Variants in QTGAL observed in about 807,000 individuals in gnomAD.
QTGAL encodes queuosine-tRNA galactosyltransferase.
chr17:83,015,486 C>T, the QTGAL span, among the ~76,000 whole-genome samples: 1 of 152,262 alleles, frequency 6.6e-6, no homozygotes, highest in Admixed American at 6.5e-5. This position sits in a 1 kb window ranked among gnomAD's most constrained non-coding sequence, Gnocchi z 4.4. Flanking sequence ...ACAGAAATTT[C>T]ACAAGCCTAA....
chr17:82,957,063 C>T, the QTGAL span: 1 of 1,395,992 alleles, frequency 7.2e-7, no homozygotes, highest in Non-Finnish European at 1.0e-6. Flanking sequence ...CCCTGGAGGC[C>T]CCGAGGAGCC....
chr17:83,007,627 G>A, the QTGAL span, among the ~76,000 whole-genome samples: 1 of 152,224 alleles, frequency 6.6e-6, no homozygotes, highest in African/African-American at 2.4e-5. Flanking sequence ...GATCCCGCTG[G>A]GGCATGAGAG....
the QTGAL span, chr17:82,943,608 G>C: frequency 6.6e-6 from 1 of 152,284 alleles, no homozygotes; most frequent in African/African-American, 2.4e-5. Context: ...TGTGAGGCTT[G>C]TGAGGTCACC....
the QTGAL span, chr17:82,961,381 C>A: frequency 9.8e-5 from 17 of 172,596 alleles, no homozygotes; most frequent in Admixed American, 1.2e-3. Context: ...TCTCCACAGG[C>A]GGGAAAGAGG....
chr17:83,045,851 T>G, the QTGAL span, among the ~76,000 whole-genome samples: 1 of 151,880 alleles, frequency 6.6e-6, no homozygotes, highest in African/African-American at 2.4e-5. Context: ...GTTTTGCTCT[T>G]GTTGCCAGGC....
the QTGAL span, among the ~76,000 whole-genome samples, chr17:82,972,274 C>CT: frequency 1.5e-5 from 2 of 132,654 alleles, no homozygotes; most frequent in Admixed American, 7.6e-5. Flanking sequence ...CCACACCACA[C>CT]CACAGGGGCC....
At chr17:83,010,669 G>A in the QTGAL span, among the ~76,000 whole-genome samples, 3 of 152,252 alleles carry the variant, frequency 2.0e-5, no homozygotes, top group Non-Finnish European at 4.4e-5. Flanking sequence ...AGAACACCTG[G>A]AAGTCCTGTT....
At chr17:83,033,349 C>T in the QTGAL span, among the ~76,000 whole-genome samples, 1 of 152,060 alleles carries the variant, frequency 6.6e-6, no homozygotes, top group African/African-American at 2.4e-5. Flanking sequence ...GTATCCAAAT[C>T]GTTCTCAGAG....
chr17:83,018,302 G>A, the QTGAL span, among the ~76,000 whole-genome samples: 1 of 151,948 alleles, frequency 6.6e-6, no homozygotes, highest in Non-Finnish European at 1.5e-5. Flanking sequence ...GCCTGCATCA[G>A]GTACCACACA....
At chr17:82,950,797 T>TGAAAGGAATCTCC in the QTGAL span, among the ~76,000 whole-genome samples, 4 of 152,220 alleles carry the variant, frequency 2.6e-5, no homozygotes, top group Non-Finnish European at 5.9e-5. Flanking sequence ...AGTCGTATTT[T>TGAAAGGAATCTCC]GAAAGGAATC....
chr17:82,984,789 C>T, the QTGAL span, among the ~76,000 whole-genome samples: 3 of 152,120 alleles, frequency 2.0e-5, no homozygotes, highest in African/African-American at 7.2e-5. Context: ...CCCCAGGAGA[C>T]GTGCAGGGCA....
the QTGAL span, among the ~76,000 whole-genome samples, chr17:82,992,774 A>G: frequency 1.4e-5 from 2 of 144,522 alleles, no homozygotes; most frequent in Admixed American, 6.8e-5. Context: ...AGATAGTACA[A>G]TAAGATATAA....
At chr17:82,971,280 C>A in the QTGAL span, among the ~76,000 whole-genome samples, 1 of 152,202 alleles carries the variant, frequency 6.6e-6, no homozygotes, top group Non-Finnish European at 1.5e-5. Context: ...GATCCAGAAA[C>A]AAGAGCATAA....
At chr17:83,024,816 G>A in the QTGAL span, among the ~76,000 whole-genome samples, 10 of 152,256 alleles carry the variant, frequency 6.6e-5, no homozygotes, top group African/African-American at 1.9e-4. Context: ...TGACCAGAAC[G>A]CTGTGGCCAC....
chr17:83,041,851 C>T, the QTGAL span, among the ~76,000 whole-genome samples: 1 of 152,150 alleles, frequency 6.6e-6, no homozygotes, highest in African/African-American at 2.4e-5. Context: ...ATTATGAATC[C>T]TATATCCAGC....
At chr17:83,047,445 C>G in the QTGAL span, among the ~76,000 whole-genome samples, 1 of 114,152 alleles carries the variant, frequency 8.8e-6, no homozygotes, top group South Asian at 3.2e-4. Flanking sequence ...GGTCTATAAT[C>G]AATCCTTATC....
the QTGAL span, among the ~76,000 whole-genome samples, chr17:82,964,765 G>A: frequency 7.3e-6 from 1 of 136,742 alleles, no homozygotes; most frequent in East Asian, 2.3e-4. Context: ...GGGGGGACGG[G>A]GACACGGACG....
At chr17:82,970,353 C>T in the QTGAL span, among the ~76,000 whole-genome samples, 1 of 152,266 alleles carries the variant, frequency 6.6e-6, no homozygotes, top group Non-Finnish European at 1.5e-5. Flanking sequence ...CTCAGAAAAA[C>T]GGATTTCACG....
At chr17:82,999,988 A>T in the QTGAL span, among the ~76,000 whole-genome samples, 1 of 151,966 alleles carries the variant, frequency 6.6e-6, no homozygotes, top group African/African-American at 2.4e-5. Context: ...TTTGAGATGG[A>T]GTCTCGCTCT....
Sources: allele counts gnomAD v4.1 joint callset (sites outside exome capture counted in the v4.1 genomes callset), GRCh38; gene constraint gnomAD v4.1.1; non-coding constraint Gnocchi (gnomAD v3.1); transcripts MANE v1.5; gene names NCBI Gene and HGNC (gene_info 2026-07-23, HGNC 2026-07-21).